The following SNTG2 variants were observed in gnomAD, a reference collection of about 807,000 sequenced individuals.
SNTG2 encodes the protein syntrophin gamma 2, also known as gamma-2-syntrophin.
SNTG2 carries 74 observed loss-of-function variants against 70.9 expected under a neutral mutation model. That is an observed-to-expected ratio of 1.04 (90% CI 0.86 to 1.27). SNTG2 has a LOEUF of 1.27. Among genes scored for constraint, SNTG2 ranks in the 50% most tolerant of loss-of-function variants. SNTG2 has a pLI of 0.00. For missense variants in SNTG2, 717 were observed against 690.7 expected (o/e 1.04, Z -0.43); for synonymous variants, 278 against 273.8 (o/e 1.02, Z -0.15).
Position 1,088,412 on chromosome 2 carries a change from C to T in SNTG2, c.210+4757C>T, listed in dbSNP as rs138288435. Among the ~76,000 whole-genome samples, 64 of 152,284 alleles carry T rather than the reference C, an allele frequency of 4.2e-4. 1 individual carries two copies. The East Asian group carries it at 0.011, about 27-fold the overall frequency. On this transcript the variant is annotated intron_variant, in intron 2 of 16. Coordinates refer to ENST00000308624, the MANE Select transcript of SNTG2 (RefSeq NM_018968.4). Reference sequence around the variant, plus strand: ...TGTCTTTCTTGGTTGGGTCCCACTCCGCCTGGCACCCCTGGTCCTGCTCAG... The same window carrying T: ...TGTCTTTCTTGGTTGGGTCCCACTCTGCCTGGCACCCCTGGTCCTGCTCAG...
intron 16 of SNTG2, among the ~76,000 whole-genome samples, chr2:1,328,823 GCACATATACA>G (rs1471994961): frequency 6.6e-6 from 1 of 151,342 alleles, no homozygotes; most frequent in Non-Finnish European, 1.5e-5. Flanking sequence ...ACACATGCAC[GCACATATACA>G]CACATACACA....
At chr2:1,339,696 C>G (rs1659987229) in intron 16 of SNTG2, among the ~76,000 whole-genome samples, 1 of 152,166 alleles carries the variant, frequency 6.6e-6, no homozygotes, top group African/African-American at 2.4e-5. Context: ...TGATGAATAT[C>G]AAGAGGAAAA....
chr2:1,149,440 G>A (rs147252284), intron 6 of SNTG2, among the ~76,000 whole-genome samples: 267 of 152,228 alleles, frequency 1.8e-3, no homozygotes, highest in African/African-American at 4.6e-3. Flanking sequence ...CAACAGCATC[G>A]GAAGATTAAA....
intron 16 of SNTG2, among the ~76,000 whole-genome samples, chr2:1,340,361 C>T (rs566081475): frequency 4.5e-4 from 69 of 152,316 alleles, no homozygotes; most frequent in African/African-American, 1.2e-3. Flanking sequence ...GATTACAAAA[C>T]GCCATTCTTT....
chr2:1,173,278 C>G, intron 8 of SNTG2, 95 bp downstream of exon 8: 1 of 1,110,572 alleles, frequency 9.0e-7, no homozygotes, highest in South Asian at 1.4e-5. Context: ...GCTGTACTGC[C>G]CAGTGAAGAT....
chr2:1,195,356 G>A (rs7592964), intron 8 of SNTG2, among the ~76,000 whole-genome samples: 29,841 of 152,080 alleles, frequency 0.2, 3,325 homozygotes, highest in African/African-American at 0.32. Flanking sequence ...GTGTAAAAGC[G>A]TTCCTATTTC....
At chr2:1,117,300 T>A (rs1287137432) in intron 4 of SNTG2, among the ~76,000 whole-genome samples, 1 of 152,150 alleles carries the variant, frequency 6.6e-6, no homozygotes, top group East Asian at 1.9e-4. Flanking sequence ...TGGCAGAACA[T>A]AAACCATAGA....
intron 1 of SNTG2, among the ~76,000 whole-genome samples, chr2:992,067 C>T (rs2147978742): frequency 6.6e-6 from 1 of 152,208 alleles, no homozygotes; most frequent in Middle Eastern, 3.4e-3. Flanking sequence ...CATGCACCTG[C>T]AGCATGAGGC....
At chr2:1,169,256 GAGAC>G (rs1670961673) in intron 7 of SNTG2, among the ~76,000 whole-genome samples, 1 of 152,114 alleles carries the variant, frequency 6.6e-6, no homozygotes, top group East Asian at 1.9e-4. Context: ...GATAAAGGAG[GAGAC>G]AGACAGAAAG....
intron 16 of SNTG2, among the ~76,000 whole-genome samples, chr2:1,330,049 G>A (rs1659436343): frequency 6.6e-6 from 1 of 152,134 alleles, no homozygotes; most frequent in Admixed American, 6.5e-5. Flanking sequence ...CTTTTGAGGT[G>A]GGAAAGGAGG....
chr2:1,056,055 G>C (rs1662373687), intron 1 of SNTG2, among the ~76,000 whole-genome samples: 2 of 151,894 alleles, frequency 1.3e-5, no homozygotes, highest in African/African-American at 2.4e-5. Context: ...TGGACACAGG[G>C]AGAAGGGGTG....
chr2:1,110,194 TGTC>T (rs1193728453), intron 4 of SNTG2, among the ~76,000 whole-genome samples: 1 of 152,226 alleles, frequency 6.6e-6, no homozygotes, highest in Non-Finnish European at 1.5e-5. Flanking sequence ...GTCTGGATCC[TGTC>T]GTCGTCTAAA....
intron 1 of SNTG2, among the ~76,000 whole-genome samples, chr2:1,052,068 A>G (rs567536245): frequency 6.6e-6 from 1 of 152,004 alleles, no homozygotes; most frequent in African/African-American, 2.4e-5. Flanking sequence ...ATTTATATTC[A>G]TGGGGGTAAT....
At chr2:1,089,584 G>A (rs1214402333) in intron 2 of SNTG2, among the ~76,000 whole-genome samples, 2 of 152,180 alleles carry the variant, frequency 1.3e-5, no homozygotes, top group East Asian at 1.9e-4. Context: ...GCAGTGAGCC[G>A]AGATTGTGCC....
intron 1 of SNTG2, among the ~76,000 whole-genome samples, chr2:972,563 G>A (rs1297964424): frequency 6.6e-6 from 1 of 152,094 alleles, no homozygotes; most frequent in Admixed American, 6.6e-5. Flanking sequence ...TTGGATCTGT[G>A]TCCCCACCCA....
intron 14 of SNTG2, among the ~76,000 whole-genome samples, chr2:1,296,949 T>G (rs1680244366): frequency 1.3e-5 from 2 of 152,206 alleles, no homozygotes; most frequent in African/African-American, 4.8e-5. Flanking sequence ...TATTTGACAC[T>G]TTCTCAAGAA....
intron 1 of SNTG2, among the ~76,000 whole-genome samples, chr2:1,015,875 C>T (rs1371278662): frequency 1.3e-5 from 2 of 152,168 alleles, no homozygotes; most frequent in South Asian, 4.1e-4. Context: ...ATCTGCTGCC[C>T]TGCAAGACAA....
At chr2:1,274,150 G>C (rs1456883131) in intron 14 of SNTG2, among the ~76,000 whole-genome samples, 1 of 152,174 alleles carries the variant, frequency 6.6e-6, no homozygotes, top group Admixed American at 6.5e-5. Context: ...GCCAAGTGTT[G>C]GTGAAGGAAC....
intron 1 of SNTG2, among the ~76,000 whole-genome samples, chr2:1,063,444 C>T (rs1005024584): frequency 6.6e-6 from 1 of 152,162 alleles, no homozygotes; most frequent in Non-Finnish European, 1.5e-5. Flanking sequence ...AGAGTTCCCT[C>T]TCAGGCACAG....
Sources: gnomAD v4.1 joint callset for allele counts (sites outside exome capture counted in the v4.1 genomes callset) on GRCh38, gnomAD v4.1.1 for gene constraint, MANE v1.5 for transcripts, NCBI Gene and HGNC (gene_info 2026-07-23, HGNC 2026-07-21) for gene names.